OPCML: variants seen among roughly 807,000 people sequenced by gnomAD.
The protein encoded by OPCML is opioid binding protein/cell adhesion molecule like.
A neutral mutation model predicts 37.8 loss-of-function variants in OPCML; 13 were observed. That is an observed-to-expected ratio of 0.34 (90% confidence interval 0.22 to 0.55). The LOEUF (loss-of-function observed/expected upper bound fraction) is 0.55, where lower values mean the gene tolerates loss of function less well. Among genes scored for constraint, OPCML ranks in the 20% least tolerant of loss-of-function variants. The pLI is 0.91. For missense variants in OPCML, 341 were observed against 435.6 expected (o/e 0.78, Z 1.93); for synonymous variants, 176 against 168.8 (o/e 1.04, Z -0.33).
intron 1 of OPCML, among the ~76,000 whole-genome samples, chr11:133,490,068 A>G (rs1217485897): frequency 1.1e-4 from 17 of 152,196 alleles, no homozygotes; most frequent in Non-Finnish European, 2.2e-4. Flanking sequence ...AGGAGCTTAA[A>G]ATCAGCTATG....
At chr11:132,572,557 A>T (rs1035211681) in intron 3 of OPCML, among the ~76,000 whole-genome samples, 1 of 152,014 alleles carries the variant, frequency 6.6e-6, no homozygotes, top group African/African-American at 2.4e-5. Context: ...AGATCAATTG[A>T]CTATGTATGT....
intron 3 of OPCML, among the ~76,000 whole-genome samples, chr11:132,643,289 G>C (rs930365217): frequency 6.6e-6 from 1 of 152,134 alleles, no homozygotes; most frequent in Non-Finnish European, 1.5e-5. Flanking sequence ...AAAAAGAAAA[G>C]CTGGCTCCTG....
intron 1 of OPCML, among the ~76,000 whole-genome samples, chr11:133,184,147 G>T (rs77584939): frequency 0.019 from 2,871 of 152,274 alleles, 96 homozygotes; most frequent in African/African-American, 0.065. Context: ...GCAAGTGACT[G>T]CTTACTGAGA....
intron 1 of OPCML, among the ~76,000 whole-genome samples, chr11:133,434,268 T>C (rs1326058966): frequency 2.6e-5 from 4 of 152,200 alleles, no homozygotes; most frequent in South Asian, 2.1e-4. Flanking sequence ...TGTCTATGTC[T>C]GTGACATATT....
At chr11:133,036,391 A>G (rs1405680089) in intron 1 of OPCML, among the ~76,000 whole-genome samples, 1 of 152,224 alleles carries the variant, frequency 6.6e-6, no homozygotes, top group Non-Finnish European at 1.5e-5. Context: ...CTAGTGAGAG[A>G]AATGTTAAAT....
At chr11:132,553,611 G>A (rs1004743935) in intron 3 of OPCML, among the ~76,000 whole-genome samples, 2 of 152,104 alleles carry the variant, frequency 1.3e-5, no homozygotes, top group African/African-American at 4.8e-5. Context: ...ATTATAATCA[G>A]GTATTCTAGG....
intron 2 of OPCML, among the ~76,000 whole-genome samples, chr11:132,758,571 G>C (rs1356184282): frequency 6.6e-6 from 1 of 152,122 alleles, no homozygotes; most frequent in Non-Finnish European, 1.5e-5. Flanking sequence ...TATTGTGAAT[G>C]GGAGTTCACT....
At chr11:132,483,554 T>G (rs2096188431) in intron 4 of OPCML, among the ~76,000 whole-genome samples, 1 of 152,100 alleles carries the variant, frequency 6.6e-6, no homozygotes, top group African/African-American at 2.4e-5. Flanking sequence ...TTCACAGAAT[T>G]GGAAAAAACT....
chr11:132,956,092 A>G (rs1190397079), intron 1 of OPCML, among the ~76,000 whole-genome samples: 1 of 152,248 alleles, frequency 6.6e-6, no homozygotes, highest in Non-Finnish European at 1.5e-5. Context: ...CAAATATTAA[A>G]TAATCAAAGA....
intron 3 of OPCML, among the ~76,000 whole-genome samples, chr11:132,560,513 C>T (rs1045872843): frequency 2.0e-5 from 3 of 152,304 alleles, no homozygotes; most frequent in African/African-American, 4.8e-5. Flanking sequence ...CTGGACACCA[C>T]CCTTTCCCAC....
In OPCML at chr11:132,832,923, GA is replaced by G. The variant is rs201169474; in HGVS notation, c.146+110002del. Among the ~76,000 whole-genome samples, 346 of 150,428 alleles carry G rather than the reference GA, an allele frequency of 2.3e-3. 7 individuals are homozygous for G. The East Asian group carries it at 0.057, about 25-fold the overall frequency. On this transcript the variant is annotated intron_variant, in intron 2 of 7. Transcript: ENST00000524381. ...ATTACAGTAAAAAATGTGATAAAAA[GA>G]TTTTTTTTTAAATAATACACCTGTA...
At position 133,523,099 on chromosome 11, in the gene OPCML, A is replaced by G. The variant is rs573206011; in HGVS notation, c.61+9165T>C. Reference sequence around the variant, plus strand: ...CCACAGACAGAATCCAGAAGACAAAACACAACTAGGGCTTTTTGTAATATT... The same window carrying G: ...CCACAGACAGAATCCAGAAGACAAAGCACAACTAGGGCTTTTTGTAATATT... On this transcript the variant is annotated intron_variant, in intron 1 of 7. Transcript: ENST00000524381. 3.3e-5 allele frequency among the ~76,000 whole-genome samples: 5 copies of G among 152,254 alleles called. No homozygotes were observed. The South Asian group carries it at 1.0e-3, about 32-fold the overall frequency.
intron 3 of OPCML, among the ~76,000 whole-genome samples, chr11:132,650,796 A>G (rs1220858250): frequency 2.0e-5 from 3 of 151,828 alleles, no homozygotes; most frequent in African/African-American, 7.3e-5. Context: ...GTTGTTTTCC[A>G]CTCTTCTATC....
rs561946725 is a variant in OPCML, at chr11:132,674,686, A to T, written c.147-17367T>A. 3.3e-3 allele frequency among the ~76,000 whole-genome samples: 501 copies of T among 152,254 alleles called. 4 individuals are homozygous for T. Among genetic ancestry groups the T allele is most frequent in the South Asian group, 0.021 (101 of 4,828 alleles). On this transcript the variant is annotated intron_variant, in intron 2 of 7. Coordinates refer to ENST00000524381, the MANE Select transcript of OPCML (RefSeq NM_001012393.5). ...TAAGATCATAATACTTCTGAGTACA[A>T]TTTTTCACATTATATAAGTGATTCA...
At position 132,423,548 on chromosome 11, in the gene OPCML, G is replaced by A. The variant is rs575652933; in HGVS notation, c.917-3255C>T. 1.3e-3 allele frequency among the ~76,000 whole-genome samples: 202 copies of A among 152,276 alleles called. 1 individual carries two copies. The highest frequency in any genetic ancestry group is 4.6e-3 in the African/African-American group (192 of 41,562). ...TAGACTTGAAGAGTGTGAGACAAAA[G>A]CCATGGGCAATGAACTCATTCTTTA... On this transcript the variant is annotated intron_variant, in intron 7 of 7. Coordinates refer to ENST00000524381, the MANE Select transcript of OPCML (RefSeq NM_001012393.5).
At chr11:133,448,828 A>G (rs901784505) in intron 1 of OPCML, among the ~76,000 whole-genome samples, 2 of 152,222 alleles carry the variant, frequency 1.3e-5, no homozygotes, top group African/African-American at 2.4e-5. Context: ...ACAGAAAGGA[A>G]AGTTTGTAAC....
chr11:133,317,618 A>G (rs532896216), intron 1 of OPCML, among the ~76,000 whole-genome samples: 78 of 152,300 alleles, frequency 5.1e-4, no homozygotes, highest in Admixed American at 3.6e-3. Context: ...TCATAGTGAT[A>G]GTATTTGTCA....
intron 1 of OPCML, among the ~76,000 whole-genome samples, chr11:133,359,324 G>T (rs540134792): frequency 6.6e-6 from 1 of 152,004 alleles, no homozygotes. Flanking sequence ...CTCTGTCAGG[G>T]GTACCTTTCC....
chr11:132,830,799 C>T (rs756004710), intron 2 of OPCML, among the ~76,000 whole-genome samples: 7 of 152,126 alleles, frequency 4.6e-5, no homozygotes, highest in Admixed American at 3.3e-4. Context: ...AACATACACG[C>T]GTGCTTTCTT....
Sources: gnomAD v4.1 joint callset for allele counts (sites outside exome capture counted in the v4.1 genomes callset) on GRCh38, gnomAD v4.1.1 for gene constraint, MANE v1.5 for transcripts, NCBI Gene and HGNC (gene_info 2026-07-23, HGNC 2026-07-21) for gene names.